The following PPP4R4 variants were observed in gnomAD, a reference collection of about 807,000 sequenced individuals.
The protein encoded by PPP4R4 is serine/threonine-protein phosphatase 4 regulatory subunit 4.
Under a neutral mutation model 121.8 loss-of-function variants are expected in PPP4R4, and 70 were observed. That is an observed-to-expected ratio of 0.57 (90% CI 0.47 to 0.70). The LOEUF is 0.70. Among genes scored for constraint, PPP4R4 ranks in the 30% least tolerant of loss-of-function variants. The probability of loss-of-function intolerance (pLI) is 0.00; values close to 1 mark genes in which losing one functional copy is unlikely to be tolerated. For missense variants in PPP4R4, 875 were observed against 1,033.6 expected (o/e 0.85, Z 2.10); for synonymous variants, 348 against 355.7 (o/e 0.98, Z 0.24).
In PPP4R4 at chr14:94,275,483, C is replaced by T; in HGVS notation, c.2559C>T (p.Ser853=). The change falls in exon 24 of 25, where the codon AGC becomes AGT. Residue 853 remains serine, a synonymous_variant. Coordinates refer to ENST00000304338, the MANE Select transcript of PPP4R4 (RefSeq NM_058237.2). ...RGTGNSVDPK[S]SGSKDTQPRK... ...CAGGTAACTCAGTTGACCCCAAGAG[C>T]AGTGGAAGTAAAGATACACAACCAC... 2 of 1,614,054 alleles carry T rather than the reference C, an allele frequency of 1.2e-6. No homozygotes were observed. Among genetic ancestry groups the T allele is most frequent in the Non-Finnish European group, 1.7e-6 (2 of 1,179,960 alleles).
intron 3 of PPP4R4, among the ~76,000 whole-genome samples, chr14:94,218,632 A>C (rs1355104349): frequency 1.3e-5 from 1 of 79,562 alleles, no homozygotes; most frequent in Non-Finnish European, 2.5e-5. Flanking sequence ...GCACACACAC[A>C]CCCCCCTCAC....
intron 2 of PPP4R4, among the ~76,000 whole-genome samples, chr14:94,201,330 T>C (rs1296348770): frequency 6.6e-6 from 1 of 152,162 alleles, no homozygotes; most frequent in African/African-American, 2.4e-5. Flanking sequence ...CTGTAGATCA[T>C]CTGTTAAGTT....
intron 2 of PPP4R4, among the ~76,000 whole-genome samples, chr14:94,206,590 A>G (rs894937534): frequency 1.3e-5 from 2 of 151,736 alleles, no homozygotes; most frequent in African/African-American, 2.4e-5. Flanking sequence ...ATTAGAGATT[A>G]TACCCTTTTT....
chr14:94,260,898 GA>G, intron 19 of PPP4R4, among the ~76,000 whole-genome samples: 1 of 151,930 alleles, frequency 6.6e-6, no homozygotes, highest in Middle Eastern at 3.4e-3. Flanking sequence ...CAAGATCATA[GA>G]TTTTTTCCTC....
chr14:94,198,396 T>G (rs1889996580), intron 2 of PPP4R4, among the ~76,000 whole-genome samples: 1 of 152,242 alleles, frequency 6.6e-6, no homozygotes, highest in African/African-American at 2.4e-5. Flanking sequence ...CTCTTGTAGT[T>G]AAGAATTCTC....
At chr14:94,201,638 C>T (rs1890185109) in intron 2 of PPP4R4, among the ~76,000 whole-genome samples, 1 of 152,136 alleles carries the variant, frequency 6.6e-6, no homozygotes, top group Non-Finnish European at 1.5e-5. Flanking sequence ...AATAGCTACT[C>T]CTGCTCACTT....
chr14:94,215,632 G>C (rs1003647897), intron 3 of PPP4R4, among the ~76,000 whole-genome samples: 2 of 152,102 alleles, frequency 1.3e-5, no homozygotes, highest in African/African-American at 4.8e-5. Context: ...GAATTAAGAG[G>C]TCTTGTGGTT....
chr14:94,256,353 G>T, intron 16 of PPP4R4, 107 bp from the exon 17 acceptor site: 1 of 849,580 alleles, frequency 1.2e-6, no homozygotes, highest in Non-Finnish European at 1.8e-6. Flanking sequence ...AATATATCTT[G>T]CATGAATAAA....
intron 3 of PPP4R4, among the ~76,000 whole-genome samples, chr14:94,213,433 G>A (rs1890848465): frequency 6.6e-6 from 1 of 152,134 alleles, no homozygotes. Context: ...TTACTTAAGT[G>A]GTGTGGTAGG....
At chr14:94,191,365 T>C (rs1889590125) in intron 2 of PPP4R4, among the ~76,000 whole-genome samples, 1 of 148,490 alleles carries the variant, frequency 6.7e-6, no homozygotes, top group African/African-American at 2.5e-5. Flanking sequence ...TTTTTTCGTT[T>C]AAGTTGACAT....
intron 3 of PPP4R4, among the ~76,000 whole-genome samples, chr14:94,212,770 G>C (rs1035718563): frequency 2.6e-5 from 4 of 152,060 alleles, no homozygotes; most frequent in African/African-American, 9.7e-5. Flanking sequence ...GAAAGAATTT[G>C]ATTGTCAAGA....
chr14:94,176,161 T>C, intron 2 of PPP4R4, 34 bp downstream of exon 2: 1 of 1,527,112 alleles, frequency 6.5e-7, no homozygotes, highest in Non-Finnish European at 9.1e-7. Flanking sequence ...ATTGCTCTTC[T>C]TTTTTCCCTG....
intron 3 of PPP4R4, among the ~76,000 whole-genome samples, chr14:94,229,009 G>A (rs1445066525): frequency 1.3e-5 from 2 of 152,138 alleles, no homozygotes; most frequent in African/African-American, 4.8e-5. Context: ...GGAAATCCAG[G>A]AAAAGTGGAA....
intron 3 of PPP4R4, among the ~76,000 whole-genome samples, chr14:94,227,042 C>A (rs1039732366): frequency 2.0e-5 from 3 of 152,174 alleles, no homozygotes; most frequent in African/African-American, 7.2e-5. Context: ...AAAATGCTTT[C>A]TTGCACCACT....
intron 14 of PPP4R4, among the ~76,000 whole-genome samples, chr14:94,248,512 C>T (rs1893011897): frequency 6.6e-6 from 1 of 152,118 alleles, no homozygotes; most frequent in East Asian, 1.9e-4. Context: ...CAACACATTC[C>T]TATCAAACTA....
intron 2 of PPP4R4, among the ~76,000 whole-genome samples, chr14:94,197,300 C>G (rs2139419825): frequency 6.6e-6 from 1 of 152,240 alleles, no homozygotes; most frequent in Non-Finnish European, 1.5e-5. Context: ...GGATACAAAA[C>G]CATTTGCAGT....
At chr14:94,246,230 C>G (rs1892886902) in intron 13 of PPP4R4, 127 bp from the exon 14 acceptor site, 2 of 705,762 alleles carry the variant, frequency 2.8e-6, no homozygotes, top group Non-Finnish European at 4.3e-6. Context: ...CTTGTGACAA[C>G]TAAGATGTCT....
intron 2 of PPP4R4, among the ~76,000 whole-genome samples, chr14:94,207,889 G>A (rs558802413): frequency 3.0e-4 from 45 of 151,790 alleles, no homozygotes; most frequent in African/African-American, 1.0e-3. Context: ...CTTAATGAAT[G>A]TTAATTTAAA....
chr14:94,179,344 T>G (rs1411934743), intron 2 of PPP4R4, among the ~76,000 whole-genome samples: 1 of 152,210 alleles, frequency 6.6e-6, no homozygotes, highest in East Asian at 1.9e-4. Context: ...GTGACTGACT[T>G]CTTTCACTTA....
Sources: allele counts gnomAD v4.1 joint callset (sites outside exome capture counted in the v4.1 genomes callset), GRCh38; gene constraint gnomAD v4.1.1; transcripts MANE v1.5; gene names NCBI Gene and HGNC (gene_info 2026-07-23, HGNC 2026-07-21).